Variants in ANK3 observed in about 807,000 individuals in gnomAD.
ANK3 encodes the protein ankyrin 3.
A neutral mutation model predicts 370.9 loss-of-function variants in ANK3; 57 were observed. The ratio of observed to expected loss-of-function variants is 0.15; its 90% CI spans 0.12 to 0.19. The LOEUF is 0.19. Among genes scored for constraint, ANK3 ranks in the 10% least tolerant of loss-of-function variants. The pLI, the probability that ANK3 is intolerant of heterozygous loss-of-function variation, is 1.00. For missense variants in ANK3, 4,439 were observed against 5,302.1 expected (o/e 0.84, Z 5.06); for synonymous variants, 1,929 against 1,946.3 (o/e 0.99, Z 0.23).
intron 2 of ANK3, among the ~76,000 whole-genome samples, chr10:60,502,968 C>G (rs964118238): frequency 6.6e-6 from 1 of 151,230 alleles, no homozygotes; most frequent in African/African-American, 2.4e-5. Flanking sequence ...GAAGGAAGGG[C>G]GGGCAAGCAA....
chr10:60,465,241 G>A (rs1458267946), intron 2 of ANK3, among the ~76,000 whole-genome samples: 1 of 150,576 alleles, frequency 6.6e-6, no homozygotes, highest in Non-Finnish European at 1.5e-5. Flanking sequence ...TCCAGCCTGG[G>A]TGACAGAGTG....
chr10:60,641,806 C>T (rs185337739), intron 1 of ANK3, among the ~76,000 whole-genome samples: 1 of 152,214 alleles, frequency 6.6e-6, no homozygotes. Context: ...TAAAGAGCTT[C>T]TGCCCAGCAA....
rs548542471 is a variant in ANK3 at position 60,481,509 on chromosome 10, C to T, written c.96+133677G>A. ...ATAGAGTTTTGCTCTGTTGCCCAAG[C>T]TGGAGTGCAGTGATGCAATCTCGGC... On this transcript the variant is annotated intron_variant, in intron 2 of 43. Coordinates refer to the ANK3 transcript ENST00000373827. Among the ~76,000 whole-genome samples, 9 of 152,264 alleles carry T rather than the reference C, an allele frequency of 5.9e-5. No individual in the cohort carries two copies. The East Asian group carries it at 1.7e-3, about 29-fold the overall frequency.
At chr10:60,591,297 T>TCTTTA in intron 2 of ANK3, among the ~76,000 whole-genome samples, 1 of 143,120 alleles carries the variant, frequency 7.0e-6, no homozygotes, top group South Asian at 2.3e-4. Context: ...TTTATTTTTA[T>TCTTTA]TTTTATTTTA....
intron 2 of ANK3, among the ~76,000 whole-genome samples, chr10:60,424,898 TC>T (rs1422166911): frequency 6.6e-6 from 1 of 152,068 alleles, no homozygotes; most frequent in Non-Finnish European, 1.5e-5. Flanking sequence ...GTAATCAATT[TC>T]TTCTTTCAAT....
intron 1 of ANK3, among the ~76,000 whole-genome samples, chr10:60,721,849 C>A (rs975468491): frequency 2.0e-5 from 3 of 152,162 alleles, no homozygotes; most frequent in Admixed American, 1.3e-4. Context: ...TTTTAATTGA[C>A]ACCTTCATCA....
At chr10:60,037,072 AT>A (rs1417029683) in intron 43 of ANK3, among the ~76,000 whole-genome samples, 3 of 152,126 alleles carry the variant, frequency 2.0e-5, no homozygotes, top group Non-Finnish European at 4.4e-5. Flanking sequence ...TCTAGGAGTC[AT>A]TTTTGACTCA....
At chr10:60,416,811 T>C (rs903704191) in intron 2 of ANK3, among the ~76,000 whole-genome samples, 12 of 152,244 alleles carry the variant, frequency 7.9e-5, no homozygotes, top group African/African-American at 2.7e-4. Flanking sequence ...TGGGCAGTGA[T>C]GTTCTGTATC....
chr10:60,307,013 G>A (rs1256412048), intron 1 of ANK3, among the ~76,000 whole-genome samples: 2 of 152,162 alleles, frequency 1.3e-5, no homozygotes, highest in African/African-American at 2.4e-5. Context: ...TTAGGCATGA[G>A]CCACTATGCT....
intron 1 of ANK3, among the ~76,000 whole-genome samples, chr10:60,332,747 G>A (rs2051687145): frequency 6.6e-6 from 1 of 152,196 alleles, no homozygotes; most frequent in African/African-American, 2.4e-5. Flanking sequence ...GAAGGCATCA[G>A]TATATTTTGA....
intron 42 of ANK3, among the ~76,000 whole-genome samples, chr10:60,049,336 C>A (rs1201781556): frequency 6.6e-6 from 1 of 152,190 alleles, no homozygotes; most frequent in Non-Finnish European, 1.5e-5. Flanking sequence ...CGCCTGTAAT[C>A]CCAGCACTGT....
chr10:60,107,608 C>A (rs1015161967), intron 27 of ANK3, among the ~76,000 whole-genome samples: 8 of 152,206 alleles, frequency 5.3e-5, no homozygotes, highest in Non-Finnish European at 1.0e-4. Context: ...TAAAAGAATA[C>A]TCTATCTGCT....
intron 2 of ANK3, among the ~76,000 whole-genome samples, chr10:60,465,264 CAA>C (rs71973539): frequency 2.7e-4 from 38 of 139,190 alleles, no homozygotes; most frequent in Admixed American, 4.3e-4. Context: ...ACCTAGTCAC[CAA>C]AAAAAAAAAA....
At chr10:60,580,741 T>C (rs2077739462) in intron 2 of ANK3, among the ~76,000 whole-genome samples, 1 of 152,152 alleles carries the variant, frequency 6.6e-6, no homozygotes, top group Non-Finnish European at 1.5e-5. Flanking sequence ...AAACTAAAGA[T>C]ATGCTCACTC....
chr10:60,574,276 T>G (rs7923860), intron 2 of ANK3, among the ~76,000 whole-genome samples: 2 of 152,080 alleles, frequency 1.3e-5, no homozygotes, highest in Non-Finnish European at 2.9e-5. Flanking sequence ...AGGCCAAGCA[T>G]AGGGATTCAA....
intron 1 of ANK3, among the ~76,000 whole-genome samples, chr10:60,693,816 A>G (rs1390128054): frequency 5.9e-5 from 9 of 152,186 alleles, no homozygotes; most frequent in Non-Finnish European, 1.0e-4. Flanking sequence ...GAGCAGAAAA[A>G]CTGGAAACTC....
At chr10:60,371,762 C>T (rs551003919) in intron 1 of ANK3, among the ~76,000 whole-genome samples, 280 of 152,256 alleles carry the variant, frequency 1.8e-3, no homozygotes, top group Non-Finnish European at 3.3e-3. Context: ...AATTTTAACA[C>T]ATTACATAAC....
At chr10:60,673,705 T>G (rs1165927189) in intron 1 of ANK3, among the ~76,000 whole-genome samples, 1 of 152,186 alleles carries the variant, frequency 6.6e-6, no homozygotes, top group Non-Finnish European at 1.5e-5. Flanking sequence ...AAAATAAAGA[T>G]TTTCAGGACA....
chr10:60,507,671 TAAAG>T (rs1384802051), intron 2 of ANK3: 4 of 151,970 alleles, frequency 2.6e-5, no homozygotes, highest in African/African-American at 9.7e-5. Flanking sequence ...ATTCTCAATG[TAAAG>T]AAATAGCCAA....
Sources: gnomAD v4.1 joint callset for allele counts (sites outside exome capture counted in the v4.1 genomes callset) on GRCh38, gnomAD v4.1.1 for gene constraint, MANE v1.5 for transcripts, NCBI Gene and HGNC (gene_info 2026-07-23, HGNC 2026-07-21) for gene names.